SOX6: variants seen among roughly 807,000 people sequenced by gnomAD.
SOX6 encodes the protein transcription factor SOX-6.
SOX6 carries 11 observed loss-of-function variants against 97.8 expected under a neutral mutation model. The observed-to-expected ratio is 0.11, with a 90% CI of 0.07 to 0.19. The LOEUF is 0.19. Ranked by LOEUF, SOX6 falls within the 10% of genes least tolerant of loss-of-function variation. SOX6 has a pLI of 1.00. For missense variants in SOX6, 810 were observed against 1,039.5 expected (o/e 0.78, Z 3.04); for synonymous variants, 360 against 371.4 (o/e 0.97, Z 0.35).
intron 6 of SOX6, among the ~76,000 whole-genome samples, chr11:16,143,844 T>A (rs1013085809): frequency 5.9e-5 from 9 of 152,142 alleles, no homozygotes; most frequent in Admixed American, 3.9e-4. Flanking sequence ...GCACCCAGAT[T>A]CATAAAGCAA....
chr11:16,671,172 G>T (rs1442031901), intron 3 of SOX6, among the ~76,000 whole-genome samples: 1 of 152,222 alleles, frequency 6.6e-6, no homozygotes, highest in Non-Finnish European at 1.5e-5. Flanking sequence ...TGCAGTTAAA[G>T]AAATAGCCAC....
intron 7 of SOX6, among the ~76,000 whole-genome samples, chr11:16,111,219 C>T (rs770730332): frequency 6.6e-6 from 1 of 152,156 alleles, no homozygotes; most frequent in Non-Finnish European, 1.5e-5. Context: ...AAAGAAAAAT[C>T]ACAACATTTG....
At chr11:16,106,053 A>G (rs1849073570) in intron 7 of SOX6, among the ~76,000 whole-genome samples, 1 of 152,144 alleles carries the variant, frequency 6.6e-6, no homozygotes, top group South Asian at 2.1e-4. Context: ...GAAATTAAAG[A>G]TGACATAAAT....
intron 4 of SOX6, among the ~76,000 whole-genome samples, chr11:16,567,685 G>A (rs1847889956): frequency 6.9e-6 from 1 of 143,972 alleles, no homozygotes; most frequent in Non-Finnish European, 1.5e-5. Context: ...TCCTGCCTCA[G>A]CCTCCTGAGT....
At chr11:16,055,317 G>C (rs1358423802) in intron 10 of SOX6, among the ~76,000 whole-genome samples, 1 of 151,884 alleles carries the variant, frequency 6.6e-6, no homozygotes, top group Non-Finnish European at 1.5e-5. Context: ...TACAGAGTCC[G>C]ACATCAAATT....
At chr11:16,150,661 A>T (rs919745843) in intron 6 of SOX6, among the ~76,000 whole-genome samples, 1 of 152,178 alleles carries the variant, frequency 6.6e-6, no homozygotes, top group African/African-American at 2.4e-5. Flanking sequence ...CAATTCAACA[A>T]CATCACCATT....
chr11:16,231,469 T>G (rs1852850100), intron 4 of SOX6, among the ~76,000 whole-genome samples: 1 of 151,770 alleles, frequency 6.6e-6, no homozygotes, highest in Admixed American at 6.6e-5. Context: ...CAAGAAATTT[T>G]TAAATTAATA....
intron 1 of SOX6, among the ~76,000 whole-genome samples, chr11:16,376,727 G>T (rs1431732465): frequency 6.6e-6 from 1 of 152,110 alleles, no homozygotes; most frequent in Non-Finnish European, 1.5e-5. Flanking sequence ...ACATTCTGCA[G>T]ACCCAGGACA....
intron 6 of SOX6, among the ~76,000 whole-genome samples, chr11:16,159,704 T>C: frequency 6.6e-6 from 1 of 152,188 alleles, no homozygotes; most frequent in East Asian, 1.9e-4. Context: ...ATAAAGTTTG[T>C]AACATACACA....
upstream of SOX6, among the ~76,000 whole-genome samples, chr11:16,478,896 G>C (rs1030643051): frequency 6.6e-6 from 1 of 152,158 alleles, no homozygotes; most frequent in Non-Finnish European, 1.5e-5. Flanking sequence ...AAATCATTAC[G>C]TGTTCTGGAA....
rs911360393 is a variant in SOX6 at position 16,484,424 on chromosome 11, T to C, written n.610-8036A>G. 1.0e-5 allele frequency: 8 copies of C among 790,828 alleles called. No individual in the cohort carries two copies. The African/African-American group carries it at 1.2e-4, about 12-fold the overall frequency. 49.0% of individuals were successfully genotyped at this position (790,828 alleles called of 1,614,324 possible). On this transcript the variant is annotated intron_variant and non_coding_transcript_variant, in intron 4 of 5. Coordinates refer to the SOX6 transcript ENST00000524520. ...TCCTTTAACCAGGCCCTTCTCATGG[T>C]ACATGCACCACAGCTTACTGACAAT...
At chr11:16,382,078 G>A (rs549363860) in intron 1 of SOX6, among the ~76,000 whole-genome samples, 1 of 152,046 alleles carries the variant, frequency 6.6e-6, no homozygotes, top group East Asian at 1.9e-4. Flanking sequence ...AGGAGTAAAA[G>A]TCTTAAAAAG....
intron 3 of SOX6, among the ~76,000 whole-genome samples, chr11:16,235,381 C>A (rs796127835): frequency 3.9e-5 from 6 of 152,110 alleles, no homozygotes; most frequent in African/African-American, 1.4e-4. Flanking sequence ...TTCATAAAGA[C>A]TACAGAAATC....
chr11:16,660,916 T>C (rs1313138254), intron 3 of SOX6, among the ~76,000 whole-genome samples: 3 of 152,208 alleles, frequency 2.0e-5, no homozygotes, highest in Middle Eastern at 3.2e-3. Context: ...GTTTTTGGTA[T>C]TTTTGTTACA....
intron 4 of SOX6, among the ~76,000 whole-genome samples, chr11:16,188,815 C>T (rs1314174294): frequency 2.6e-5 from 4 of 152,052 alleles, no homozygotes; most frequent in African/African-American, 9.7e-5. Context: ...TGTATCCTAG[C>T]ACTTTGGGAG....
At chr11:16,193,943 T>G (rs1224580788) in intron 4 of SOX6, among the ~76,000 whole-genome samples, 1 of 152,236 alleles carries the variant, frequency 6.6e-6, no homozygotes, top group Non-Finnish European at 1.5e-5. Context: ...TCTGATGGAC[T>G]GTGATGTCTC....
chr11:16,564,669 C>G (rs1847850002), intron 4 of SOX6, among the ~76,000 whole-genome samples: 1 of 151,852 alleles, frequency 6.6e-6, no homozygotes, highest in Non-Finnish European at 1.5e-5. Context: ...AGAACTATCT[C>G]CAAATCCTTG....
chr11:16,012,847 T>C (rs1016631073), intron 13 of SOX6, among the ~76,000 whole-genome samples: 1 of 151,956 alleles, frequency 6.6e-6, no homozygotes, highest in African/African-American at 2.4e-5. Context: ...AAAATGTGGG[T>C]AAAAGGCGTA....
At chr11:16,662,385 T>C (rs1339724880) in intron 3 of SOX6, among the ~76,000 whole-genome samples, 1 of 152,234 alleles carries the variant, frequency 6.6e-6, no homozygotes, top group African/African-American at 2.4e-5. Flanking sequence ...CTTAACCTTA[T>C]TCCTCTGTAA....
Sources: gnomAD v4.1 joint callset for allele counts (sites outside exome capture counted in the v4.1 genomes callset) on GRCh38, gnomAD v4.1.1 for gene constraint, MANE v1.5 for transcripts, NCBI Gene and HGNC (gene_info 2026-07-23, HGNC 2026-07-21) for gene names.